Variants in KCNH5 observed in about 807,000 individuals in gnomAD.
The protein encoded by KCNH5 is potassium voltage-gated channel subfamily H member 5.
KCNH5 carries 46 observed loss-of-function variants against 96.1 expected under a neutral mutation model. The observed-to-expected ratio is 0.48, with a 90% CI of 0.38 to 0.61. The LOEUF is 0.61. Among genes scored for constraint, KCNH5 ranks in the 20% least tolerant of loss-of-function variants. The probability of loss-of-function intolerance (pLI) is 0.00; values close to 1 mark genes in which losing one functional copy is unlikely to be tolerated. For synonymous variants in KCNH5, 439 were observed against 449.8 expected (o/e 0.98, Z 0.30); for missense variants, 907 against 1,225.8 (o/e 0.74, Z 3.88).
chr14:62,769,292 C>T (rs759097219), intron 10 of KCNH5, among the ~76,000 whole-genome samples: 4 of 152,248 alleles, frequency 2.6e-5, no homozygotes, highest in Non-Finnish European at 5.9e-5. Flanking sequence ...GTAAGCAGAG[C>T]TACTGCCAGC....
chr14:62,956,726 G>T (rs1012455146), intron 6 of KCNH5, among the ~76,000 whole-genome samples: 2 of 151,942 alleles, frequency 1.3e-5, no homozygotes, highest in Non-Finnish European at 2.9e-5. Context: ...ATTGGGCCAC[G>T]AATTGCATTT....
chr14:62,809,110 G>A (rs1026262307), intron 8 of KCNH5, among the ~76,000 whole-genome samples: 3 of 152,078 alleles, frequency 2.0e-5, no homozygotes, highest in African/African-American at 7.2e-5. Context: ...CAGAGTCAAA[G>A]AATCTTTTCT....
intron 7 of KCNH5, among the ~76,000 whole-genome samples, chr14:62,921,801 A>G (rs781370221): frequency 3.9e-5 from 6 of 152,124 alleles, no homozygotes; most frequent in Non-Finnish European, 8.8e-5. Context: ...TGGACAAAGA[A>G]GGACAGATCT....
chr14:62,710,718 A>T (rs1029774733), intron 10 of KCNH5, among the ~76,000 whole-genome samples: 9 of 152,114 alleles, frequency 5.9e-5, no homozygotes, highest in Non-Finnish European at 1.2e-4. Context: ...CACATTTGGG[A>T]AAATGGAACC....
chr14:62,870,190 T>C (rs1888224971), intron 7 of KCNH5, among the ~76,000 whole-genome samples: 1 of 152,210 alleles, frequency 6.6e-6, no homozygotes, highest in African/African-American at 2.4e-5. Flanking sequence ...TTAGGACAAG[T>C]TACATACAAA....
intron 1 of KCNH5, among the ~76,000 whole-genome samples, chr14:63,032,800 T>C (rs369310056): frequency 1.3e-5 from 2 of 152,320 alleles, no homozygotes; most frequent in East Asian, 1.9e-4. Context: ...TGTCTTTGGC[T>C]GCATTATTCT....
At chr14:63,015,659 T>A (rs1452538243) in intron 2 of KCNH5, among the ~76,000 whole-genome samples, 2 of 151,968 alleles carry the variant, frequency 1.3e-5, no homozygotes, top group Admixed American at 6.6e-5. Flanking sequence ...CACAGGGGAT[T>A]GGTTCCAGGA....
chr14:62,954,605 G>A (rs75233703), intron 6 of KCNH5, among the ~76,000 whole-genome samples: 1,916 of 152,272 alleles, frequency 0.013, 47 homozygotes, highest in African/African-American at 0.044. Flanking sequence ...ATGTAACTTA[G>A]GGTTGCATTA....
intron 1 of KCNH5, among the ~76,000 whole-genome samples, chr14:63,031,796 A>C (rs1266285905): frequency 5.3e-5 from 8 of 152,190 alleles, no homozygotes; most frequent in African/African-American, 1.9e-4. Context: ...AAGATGATGA[A>C]TAGGTTAATT....
At chr14:63,027,248 G>T (rs1385662141) in intron 1 of KCNH5, among the ~76,000 whole-genome samples, 2 of 151,888 alleles carry the variant, frequency 1.3e-5, no homozygotes, top group Admixed American at 6.6e-5. Context: ...TTAGACAGAA[G>T]GAATAAGTTT....
chr14:62,712,747 C>G (rs1784720067), intron 10 of KCNH5: 1 of 773,494 alleles, frequency 1.3e-6, no homozygotes, highest in Non-Finnish European at 2.4e-6. Context: ...ACAATTGAAG[C>G]TGTATACTTG....
Position 62,706,351 on chromosome 14 carries a change from C to T in KCNH5, c.*1157G>A, listed in dbSNP as rs1034385760. On this transcript the variant is annotated 3_prime_UTR_variant, in exon 11 of 11. Transcript: ENST00000322893. ...ATGATAGAAAAGCAGTTATCTGAGT[C>T]GAGCAACTTAATGTCTACTTCTTGG... 16 of 152,126 alleles carry T rather than the reference C, an allele frequency of 1.1e-4. No homozygotes were observed. The highest frequency in any genetic ancestry group is 1.8e-4 in the Non-Finnish European group (12 of 67,978). 9.4% of individuals were successfully genotyped at this position (152,126 alleles called of 1,614,324 possible). A position where few individuals can be genotyped will look rare whatever the true frequency, so the allele number is the denominator to read the frequency against.
chr14:62,827,523 T>C (rs1476859995), intron 8 of KCNH5, among the ~76,000 whole-genome samples: 1 of 152,210 alleles, frequency 6.6e-6, no homozygotes, highest in Non-Finnish European at 1.5e-5. Flanking sequence ...TAAACTTTAT[T>C]CATAAAGGAC....
chr14:62,998,587 T>C (rs1890953375), intron 4 of KCNH5, among the ~76,000 whole-genome samples: 2 of 152,188 alleles, frequency 1.3e-5, no homozygotes, highest in East Asian at 3.8e-4. Context: ...AATATATGCA[T>C]TTAATGTTAC....
At chr14:62,844,151 T>A (rs1388864568) in intron 8 of KCNH5, among the ~76,000 whole-genome samples, 1 of 152,196 alleles carries the variant, frequency 6.6e-6, no homozygotes, top group East Asian at 1.9e-4. Flanking sequence ...ATCTTCCTAC[T>A]GATACCTTAT....
intron 6 of KCNH5, among the ~76,000 whole-genome samples, chr14:62,970,415 A>C (rs1225368669): frequency 6.6e-6 from 1 of 152,218 alleles, no homozygotes; most frequent in African/African-American, 2.4e-5. Flanking sequence ...CATTTAAGGA[A>C]TAAATTATAC....
rs61995094 is a variant in KCNH5 at position 62,989,517 on chromosome 14, T to G, written c.434-2330A>C. On this transcript the variant is annotated intron_variant, in intron 4 of 10. Transcript: ENST00000322893. ...TGGAATGTCTTTTCCCTCCCCCATC[T>G]TTCTGGCTAACACTTACTGGTAACT... 3.2e-3 allele frequency among the ~76,000 whole-genome samples: 492 copies of G among 152,206 alleles called. 3 individuals carry two copies. The highest frequency in any genetic ancestry group is 4.3e-3 in the Non-Finnish European group (291 of 67,980).
At chr14:63,016,989 G>A (rs774824729) in intron 1 of KCNH5, 35 bp from the exon 2 acceptor site, 1 of 1,586,902 alleles carries the variant, frequency 6.3e-7, no homozygotes, top group South Asian at 1.2e-5. Context: ...AGGTTATTTA[G>A]CTTAATTCAA....
intron 6 of KCNH5, among the ~76,000 whole-genome samples, chr14:62,975,531 T>A (rs1168872395): frequency 2.6e-5 from 4 of 151,788 alleles, no homozygotes; most frequent in Admixed American, 6.6e-5. Context: ...AGATCCAAAA[T>A]AAAAGACAAT....
Sources: gnomAD v4.1 joint callset for allele counts (sites outside exome capture counted in the v4.1 genomes callset) on GRCh38, gnomAD v4.1.1 for gene constraint, MANE v1.5 for transcripts, NCBI Gene and HGNC (gene_info 2026-07-23, HGNC 2026-07-21) for gene names.